ZMYM2: variants seen among roughly 807,000 people sequenced by gnomAD.
ZMYM2 encodes zinc finger MYM-type containing 2, also known as zinc finger MYM-type protein 2.
Under a neutral mutation model 162.8 loss-of-function variants are expected in ZMYM2, and 56 were observed. The observed-to-expected ratio is 0.34, with a 90% CI of 0.28 to 0.43. The LOEUF is 0.43. ZMYM2 is among the 20% of genes least tolerant of loss of function. The probability of loss-of-function intolerance (pLI) is 1.00; values close to 1 mark genes in which losing one functional copy is unlikely to be tolerated. For synonymous variants in ZMYM2, 510 were observed against 541.6 expected (o/e 0.94, Z 0.81); for missense variants, 1,275 against 1,621.8 (o/e 0.79, Z 3.67).
the ZMYM2 span, among the ~76,000 whole-genome samples, chr13:19,885,916 CACATATATATGTGTA>C: frequency 2.0e-4 from 10 of 49,384 alleles, 4 homozygotes; most frequent in African/African-American, 5.2e-4. Flanking sequence ...TATGTATATA[CACATATATATGTGTA>C]TACACATATA....
the ZMYM2 span, among the ~76,000 whole-genome samples, chr13:19,932,683 C>T: frequency 6.6e-6 from 1 of 151,942 alleles, no homozygotes; most frequent in Non-Finnish European, 1.5e-5. Flanking sequence ...AGCTTGCTCA[C>T]TCTTAGTCCC....
chr13:19,938,736 T>C, the ZMYM2 span, among the ~76,000 whole-genome samples: 7 of 151,876 alleles, frequency 4.6e-5, no homozygotes, highest in Non-Finnish European at 7.4e-5. Flanking sequence ...TTTTTTTTTT[T>C]CTGAAAACAG....
intron 2 of ZMYM2, among the ~76,000 whole-genome samples, chr13:19,962,134 T>G (rs1469986717): frequency 6.6e-6 from 1 of 152,204 alleles, no homozygotes; most frequent in East Asian, 1.9e-4. Context: ...TGCTGACATA[T>G]GAACATTTTT....
the ZMYM2 span, among the ~76,000 whole-genome samples, chr13:19,888,157 G>T: frequency 6.6e-6 from 1 of 151,698 alleles, no homozygotes; most frequent in Non-Finnish European, 1.5e-5. Flanking sequence ...GGGATTACAG[G>T]CATGCTCCAT....
intron 17 of ZMYM2, among the ~76,000 whole-genome samples, chr13:20,062,595 G>A (rs982877500): frequency 1.3e-5 from 2 of 152,134 alleles, no homozygotes; most frequent in Non-Finnish European, 2.9e-5. Context: ...ATACCTATTA[G>A]CTTTTGAAGG....
At position 20,088,000 on chromosome 13, in the gene ZMYM2, T is replaced by A; in HGVS notation, c.*1986T>A. 5.1e-6 allele frequency: 1 copy of A among 195,288 alleles called. No homozygotes were observed. The highest frequency in any genetic ancestry group is 1.1e-5 in the Non-Finnish European group (1 of 93,714). 12.1% of individuals were successfully genotyped at this position (195,288 alleles called of 1,614,324 possible). On this transcript the variant is annotated 3_prime_UTR_variant, in exon 25 of 25. Transcript: ENST00000610343. Reference sequence around the variant, plus strand: ...CAAGAGCAATAAAGTTTTTCCCAGGTGTCACTTATTGTATATGTTACCAAA... The same window carrying A: ...CAAGAGCAATAAAGTTTTTCCCAGGAGTCACTTATTGTATATGTTACCAAA...
intron 2 of ZMYM2, among the ~76,000 whole-genome samples, chr13:19,973,713 A>G (rs1378891358): frequency 6.6e-6 from 1 of 151,464 alleles, no homozygotes; most frequent in Non-Finnish European, 1.5e-5. Flanking sequence ...AACAAAAAAC[A>G]GAAAAAAAAC....
At chr13:20,040,526 C>T (rs1954152238) in intron 12 of ZMYM2, among the ~76,000 whole-genome samples, 1 of 151,602 alleles carries the variant, frequency 6.6e-6, no homozygotes, top group South Asian at 2.1e-4. Context: ...ATCCCGCCCA[C>T]CCCTGCACGC....
Position 20,058,574 on chromosome 13 carries a change from G to C in ZMYM2, c.2494-1G>C. The C allele has an allele frequency of 6.2e-7, 1 of 1,611,332 alleles. No individual in the cohort carries two copies. The highest frequency in any genetic ancestry group is 8.5e-7 in the Non-Finnish European group (1 of 1,178,948). Reference sequence around the variant, plus strand: ...AAATGTTTCTCTTTGCTTCTCCATAGGGTTCAGCACCACCCCCTTCTCCAA... The same window carrying C: ...AAATGTTTCTCTTTGCTTCTCCATACGGTTCAGCACCACCCCCTTCTCCAA... On this transcript the variant is annotated splice_acceptor_variant, in intron 14 of 24. Coordinates refer to ENST00000610343, the MANE Select transcript of ZMYM2 (RefSeq NM_197968.4). LOFTEE classifies it high-confidence loss of function.
chr13:19,922,393 C>T, the ZMYM2 span, among the ~76,000 whole-genome samples: 1 of 152,196 alleles, frequency 6.6e-6, no homozygotes, highest in Non-Finnish European at 1.5e-5. Flanking sequence ...TTTATAACTA[C>T]TTGTGGCAAT....
At chr13:20,026,404 G>A (rs181058511) in intron 7 of ZMYM2, 365 of 422,968 alleles carry the variant, frequency 8.6e-4, no homozygotes, top group African/African-American at 6.1e-3. Flanking sequence ...TTTTGAAGGC[G>A]ACTTAGCTGA....
chr13:19,894,842 G>A, the ZMYM2 span, among the ~76,000 whole-genome samples: 1 of 151,744 alleles, frequency 6.6e-6, no homozygotes, highest in Non-Finnish European at 1.5e-5. Context: ...TGTAATCCTA[G>A]CACTTCGGGA....
At chr13:19,884,501 C>G in the ZMYM2 span, among the ~76,000 whole-genome samples, 1 of 151,948 alleles carries the variant, frequency 6.6e-6, no homozygotes, top group Admixed American at 6.6e-5. Flanking sequence ...TAGCGTGAAC[C>G]CGAAAGGCTT....
At chr13:19,914,186 A>G in the ZMYM2 span, among the ~76,000 whole-genome samples, 1 of 152,230 alleles carries the variant, frequency 6.6e-6, no homozygotes, top group Admixed American at 6.5e-5. Flanking sequence ...GAGGCATGTG[A>G]ATAGATCTCT....
At chr13:19,871,364 TAAA>T in the ZMYM2 span, among the ~76,000 whole-genome samples, 1 of 152,174 alleles carries the variant, frequency 6.6e-6, no homozygotes, top group Non-Finnish European at 1.5e-5. Context: ...TACTTATTGA[TAAA>T]AAAAGAACAA....
chr13:19,876,953 G>A, the ZMYM2 span, among the ~76,000 whole-genome samples: 1 of 152,124 alleles, frequency 6.6e-6, no homozygotes. Flanking sequence ...TTGGCCAGGC[G>A]GTGGCTCACG....
chr13:19,921,243 G>A, the ZMYM2 span, among the ~76,000 whole-genome samples: 1 of 152,022 alleles, frequency 6.6e-6, no homozygotes. Flanking sequence ...AGGTTCAAGC[G>A]ATTCTCCTGC....
At chr13:19,969,224 T>G (rs1956082197) in intron 2 of ZMYM2, among the ~76,000 whole-genome samples, 1 of 152,246 alleles carries the variant, frequency 6.6e-6, no homozygotes, top group African/African-American at 2.4e-5. Flanking sequence ...ATCCTTATTT[T>G]CCGTTCCCTA....
At chr13:19,990,996 T>C (rs149857947) in intron 2 of ZMYM2, among the ~76,000 whole-genome samples, 140 of 152,136 alleles carry the variant, frequency 9.2e-4, no homozygotes, top group African/African-American at 3.2e-3. Context: ...CCTGAGCCCA[T>C]GATCTGTCTC....
Sources: gnomAD v4.1 joint callset for allele counts (sites outside exome capture counted in the v4.1 genomes callset) on GRCh38, gnomAD v4.1.1 for gene constraint, MANE v1.5 for transcripts, NCBI Gene and HGNC (gene_info 2026-07-23, HGNC 2026-07-21) for gene names.